KIF26B: variants seen among roughly 807,000 people sequenced by gnomAD.
The protein encoded by KIF26B is kinesin family member 26B.
In KIF26B, 63 loss-of-function variants were observed where a neutral mutation model predicts 151.2. That is an observed-to-expected ratio of 0.42 (90% CI 0.34 to 0.51). KIF26B has a LOEUF of 0.51. Among genes scored for constraint, KIF26B ranks in the 20% least tolerant of loss-of-function variants. The pLI, the probability that KIF26B is intolerant of heterozygous loss-of-function variation, is 0.07. For missense variants in KIF26B, 2,813 were observed against 2,913.6 expected (o/e 0.97, Z 0.79); for synonymous variants, 1,357 against 1,262.1 (o/e 1.08, Z -1.59).
At chr1:245,397,540 A>T (rs969724093) in intron 3 of KIF26B, among the ~76,000 whole-genome samples, 7 of 152,302 alleles carry the variant, frequency 4.6e-5, no homozygotes, top group Admixed American at 4.6e-4. Flanking sequence ...TAGCTTGTTA[A>T]CTTTATTGTA....
chr1:245,701,424 T>A (rs2044770922), intron 14 of KIF26B, among the ~76,000 whole-genome samples: 3 of 152,108 alleles, frequency 2.0e-5, no homozygotes, highest in Admixed American at 1.3e-4. Context: ...TTTGTTTTGG[T>A]TTTTAAATAT....
intron 5 of KIF26B, among the ~76,000 whole-genome samples, chr1:245,565,251 C>T (rs749894189): frequency 4.0e-5 from 6 of 151,764 alleles, no homozygotes; most frequent in Admixed American, 6.6e-5. Flanking sequence ...ACAGTGAATT[C>T]GAGGGCTCTG....
rs758993117 is a variant in KIF26B, at chr1:245,184,050, G to GTTTTTTTTTTTTTTTTTTTTTTTTTT, written c.465+27386_465+27387insTTTTTTTTTTTTTTTTTTTTTTTTTT. Among the ~76,000 whole-genome samples, 150 of 19,792 alleles carry GTTTTTTTTTTTTTTTTTTTTTTTTTT rather than the reference G, an allele frequency of 7.6e-3. 54 individuals carry two copies. The highest frequency in any genetic ancestry group is 9.3e-3 in the Non-Finnish European group (94 of 10,060). 13.0% of individuals were successfully genotyped at this position (19,792 alleles called of 152,430 possible). On this transcript the variant is annotated intron_variant, in intron 2 of 14. Coordinates refer to ENST00000407071, the MANE Select transcript of KIF26B (RefSeq NM_018012.4). ...GCAACAGGTATGGGTGGGAGTTGTT[G>GTTTTTTTTTTTTTTTTTTTTTTTTTT]TTTTTTTTTTTTTTTTTTTGAGCTT...
chr1:245,189,546 C>T (rs967272341), intron 2 of KIF26B, among the ~76,000 whole-genome samples: 9 of 152,184 alleles, frequency 5.9e-5, no homozygotes, highest in South Asian at 2.1e-4. Flanking sequence ...TCTCAGGGTT[C>T]GTGAACCTCA....
intron 4 of KIF26B, among the ~76,000 whole-genome samples, chr1:245,513,600 C>T (rs1660884777): frequency 1.3e-5 from 2 of 152,152 alleles, no homozygotes; most frequent in African/African-American, 2.4e-5. Flanking sequence ...TGAGATCCAC[C>T]GCCAGTGTTC....
At chr1:245,507,777 C>G (rs1274630525) in intron 4 of KIF26B, among the ~76,000 whole-genome samples, 2 of 152,184 alleles carry the variant, frequency 1.3e-5, no homozygotes, top group Non-Finnish European at 2.9e-5. Flanking sequence ...CCCAGCTTCA[C>G]AGCACTACGT....
intron 4 of KIF26B, among the ~76,000 whole-genome samples, chr1:245,454,942 AT>A (rs1659480442): frequency 6.6e-6 from 1 of 152,188 alleles, no homozygotes; most frequent in Non-Finnish European, 1.5e-5. Context: ...ATCACAAACT[AT>A]TTGGGACAAA....
rs1047504506 is a variant in KIF26B at position 245,702,162 on chromosome 1, G to C, written c.6179-296G>C. ...AGTGTGGTAGCGTCTCTCAAATCCT[G>C]GGATCCATCCTGGATCCTCCATGGC... On this transcript the variant is annotated intron_variant, in intron 14 of 14. Coordinates refer to ENST00000407071, the MANE Select transcript of KIF26B (RefSeq NM_018012.4). The surrounding 1 kb of genome is among the most constrained non-coding windows in gnomAD (Gnocchi z 4.1). Among the ~76,000 whole-genome samples, 2 of 152,046 alleles carry C rather than the reference G, an allele frequency of 1.3e-5. No homozygotes were observed. The highest frequency in any genetic ancestry group is 2.9e-5 in the Non-Finnish European group (2 of 68,024).
intron 2 of KIF26B, among the ~76,000 whole-genome samples, chr1:245,325,311 C>T (rs1290166303): frequency 6.6e-6 from 1 of 152,154 alleles, no homozygotes; most frequent in Non-Finnish European, 1.5e-5. Context: ...CTATGTGTGG[C>T]ATTTGTTCTC....
At chr1:245,201,042 A>G (rs1040114576) in intron 2 of KIF26B, among the ~76,000 whole-genome samples, 2 of 152,226 alleles carry the variant, frequency 1.3e-5, no homozygotes, top group African/African-American at 4.8e-5. Flanking sequence ...AGACAGGATT[A>G]TCTTCACTTT....
chr1:245,275,827 G>C (rs906733530), intron 2 of KIF26B, among the ~76,000 whole-genome samples: 18 of 152,014 alleles, frequency 1.2e-4, no homozygotes, highest in Non-Finnish European at 2.2e-4. Flanking sequence ...AGTAATTCTT[G>C]TAAAGTCAGT....
At chr1:245,392,937 A>T (rs926683231) in intron 3 of KIF26B, among the ~76,000 whole-genome samples, 2 of 152,148 alleles carry the variant, frequency 1.3e-5, no homozygotes, top group Non-Finnish European at 2.9e-5. Context: ...TTGGGAGGTC[A>T]TAGTGGGTGG....
intron 9 of KIF26B, among the ~76,000 whole-genome samples, chr1:245,632,024 TTGTG>T (rs147700174): frequency 6.6e-6 from 1 of 151,886 alleles, no homozygotes; most frequent in East Asian, 1.9e-4. Context: ...TTTGTAATTT[TTGTG>T]TGTGTGTGTG....
Position 245,218,083 on chromosome 1 carries a change from A to T in KIF26B, c.465+61400A>T, listed in dbSNP as rs1669684870. On this transcript the variant is annotated intron_variant, in intron 2 of 14. Transcript: ENST00000407071. The surrounding 1 kb of genome is among the most constrained non-coding windows in gnomAD (Gnocchi z 4.1). ...TCCTTTTTGCCTGGTGACTCTGAAG[A>T]GAGCCCACCTACAGTCCAGCATGTC... Among the ~76,000 whole-genome samples the T allele has an allele frequency of 2.0e-5, 3 of 152,242 alleles. No individual in the cohort carries two copies. Among genetic ancestry groups the T allele is most frequent in the Admixed American group, 2.0e-4 (3 of 15,286 alleles).
chr1:245,525,192 A>T (rs1661211175), intron 4 of KIF26B, among the ~76,000 whole-genome samples: 1 of 152,138 alleles, frequency 6.6e-6, no homozygotes, highest in South Asian at 2.1e-4. Context: ...TATTTTTTAT[A>T]TCCAAATACT....
intron 4 of KIF26B, among the ~76,000 whole-genome samples, chr1:245,511,847 G>A (rs1660844608): frequency 1.3e-5 from 2 of 152,158 alleles, no homozygotes; most frequent in Non-Finnish European, 1.5e-5. Context: ...GGAAAAACAA[G>A]TCACTTGAAG....
intron 2 of KIF26B, among the ~76,000 whole-genome samples, chr1:245,171,370 C>T (rs572133629): frequency 1.4e-4 from 22 of 152,232 alleles, no homozygotes; most frequent in African/African-American, 3.6e-4. Context: ...GGTGAAACCC[C>T]GTCTCTACTA....
intron 4 of KIF26B, among the ~76,000 whole-genome samples, chr1:245,461,781 C>T (rs1263002590): frequency 6.6e-6 from 1 of 152,138 alleles, no homozygotes; most frequent in Non-Finnish European, 1.5e-5. Context: ...ATTTTAATTG[C>T]CGACAGAATG....
At chr1:245,657,716 T>A (rs1467868566) in intron 10 of KIF26B, among the ~76,000 whole-genome samples, 6 of 152,156 alleles carry the variant, frequency 3.9e-5, no homozygotes, top group Non-Finnish European at 7.4e-5. Flanking sequence ...CAGCGGCTGT[T>A]CATTCACTCA....
Sources: allele counts gnomAD v4.1 joint callset (sites outside exome capture counted in the v4.1 genomes callset), GRCh38; gene constraint gnomAD v4.1.1; non-coding constraint Gnocchi (gnomAD v3.1); transcripts MANE v1.5; gene names NCBI Gene and HGNC (gene_info 2026-07-23, HGNC 2026-07-21).